The following STRN variants were observed in gnomAD, a reference collection of about 807,000 sequenced individuals.
The protein encoded by STRN is protein phosphatase 2 regulatory subunit B'''alpha.
In STRN, 53 loss-of-function variants were observed where a neutral mutation model predicts 96.3. The observed-to-expected ratio is 0.55, with a 90% CI of 0.44 to 0.69. STRN has a LOEUF of 0.69. Ranked by LOEUF, STRN falls within the 30% of genes least tolerant of loss-of-function variation. The probability of loss-of-function intolerance (pLI) is 0.00; values close to 1 mark genes in which losing one functional copy is unlikely to be tolerated. For missense variants in STRN, 987 were observed against 963.9 expected (o/e 1.02, Z -0.32); for synonymous variants, 428 against 355.9 (o/e 1.20, Z -2.28).
At chr2:36,873,941 CAAA>C (rs56195651) in intron 10 of STRN, among the ~76,000 whole-genome samples, 2 of 137,938 alleles carry the variant, frequency 1.4e-5, no homozygotes, top group Non-Finnish European at 1.6e-5. Context: ...GACTCCGCCT[CAAA>C]AAAAAAAAAA....
intron 1 of STRN, among the ~76,000 whole-genome samples, chr2:36,927,940 G>C (rs1458019684): frequency 6.6e-6 from 1 of 152,086 alleles, no homozygotes; most frequent in Admixed American, 6.5e-5. Context: ...ACACAGACAA[G>C]AATATGTATA....
chr2:36,855,361 G>C lies in STRN; in HGVS notation c.1838-9C>G. The C allele has an allele frequency of 6.2e-7, 1 of 1,611,098 alleles. No homozygotes were observed. ...GGCAGGGATTCCCAGTTCTGAAAGAGAACATATTGAAATAGAATGGCAATT... is the reference window on the plus strand; with the variant it reads ...GGCAGGGATTCCCAGTTCTGAAAGACAACATATTGAAATAGAATGGCAATT... On this transcript the variant is annotated splice_polypyrimidine_tract_variant and intron_variant, in intron 14 of 17. Transcript: ENST00000263918.
intron 2 of STRN, among the ~76,000 whole-genome samples, chr2:36,920,893 G>A (rs1377097123): frequency 6.6e-6 from 1 of 151,818 alleles, no homozygotes; most frequent in Admixed American, 6.6e-5. Context: ...TGGCCAAGAT[G>A]GTGACACCCC....
chr2:36,928,951 A>C (rs1264350476), intron 1 of STRN, among the ~76,000 whole-genome samples: 1 of 151,550 alleles, frequency 6.6e-6, no homozygotes, highest in Non-Finnish European at 1.5e-5. Context: ...CCGTCTCAAA[A>C]AAAAAAAAAA....
chr2:36,963,712 C>T (rs1193154455), intron 1 of STRN, among the ~76,000 whole-genome samples: 1 of 152,148 alleles, frequency 6.6e-6, no homozygotes, highest in Non-Finnish European at 1.5e-5. Flanking sequence ...AATACCAGCA[C>T]TTTGGGAGGC....
At chr2:36,926,920 G>T in intron 1 of STRN, among the ~76,000 whole-genome samples, 1 of 152,304 alleles carries the variant, frequency 6.6e-6, no homozygotes, top group Middle Eastern at 3.4e-3. Context: ...AAAAGGAAAT[G>T]ACAGCCCAAC....
chr2:36,920,071 T>A (rs185298671), intron 2 of STRN, among the ~76,000 whole-genome samples: 28 of 119,584 alleles, frequency 2.3e-4, no homozygotes, highest in Admixed American at 2.2e-3. Flanking sequence ...TACTTAGGCA[T>A]TTACAGCTGA....
At chr2:36,863,472 G>C (rs114835598) in intron 12 of STRN, among the ~76,000 whole-genome samples, 4,924 of 152,254 alleles carry the variant, frequency 0.032, 115 homozygotes, top group Non-Finnish European at 0.05. Context: ...TCGAAGATTA[G>C]ACGGTTATAA....
chr2:36,893,887 T>C lies in STRN; in HGVS notation c.931+11A>G. 2 of 1,594,340 alleles carry C rather than the reference T, an allele frequency of 1.3e-6. No homozygotes were observed. The highest frequency in any genetic ancestry group is 1.2e-5 in the South Asian group (1 of 86,338). ...TTAACATCTCTGGTTGGATCCAGTATGCTTCCTTACCCCAGTCTGTTCCAT... is the reference window on the plus strand; with the variant it reads ...TTAACATCTCTGGTTGGATCCAGTACGCTTCCTTACCCCAGTCTGTTCCAT... On this transcript the variant is annotated intron_variant, in intron 7 of 17. Coordinates refer to ENST00000263918, the MANE Select transcript of STRN (RefSeq NM_003162.4).
chr2:36,945,162 TA>T (rs1670947450), intron 1 of STRN, among the ~76,000 whole-genome samples: 1 of 151,950 alleles, frequency 6.6e-6, no homozygotes, highest in African/African-American at 2.4e-5. Context: ...TTTTTATAAA[TA>T]AAAAACGTGT....
At chr2:36,881,271 G>A (rs1669062099) in intron 9 of STRN, among the ~76,000 whole-genome samples, 1 of 151,862 alleles carries the variant, frequency 6.6e-6, no homozygotes, top group African/African-American at 2.4e-5. Context: ...GGGACTACAG[G>A]CACACGCCAC....
intron 2 of STRN, among the ~76,000 whole-genome samples, chr2:36,922,683 C>A (rs566975815): frequency 1.2e-4 from 18 of 152,258 alleles, no homozygotes; most frequent in Admixed American, 3.3e-4. Context: ...CTACTCTCCA[C>A]ACACAAAGAT....
At chr2:36,939,375 G>C (rs895139743) in intron 1 of STRN, among the ~76,000 whole-genome samples, 3 of 151,958 alleles carry the variant, frequency 2.0e-5, no homozygotes, top group Admixed American at 1.3e-4. Flanking sequence ...ACATTAATTA[G>C]ACGTGATGAT....
intron 1 of STRN, among the ~76,000 whole-genome samples, chr2:36,952,097 C>G (rs182615258): frequency 6.6e-6 from 1 of 152,130 alleles, no homozygotes; most frequent in Non-Finnish European, 1.5e-5. Flanking sequence ...AATGACAATA[C>G]AAAACTCGAA....
intron 14 of STRN, among the ~76,000 whole-genome samples, chr2:36,857,297 A>G (rs1300511215): frequency 1.3e-5 from 2 of 152,102 alleles, no homozygotes; most frequent in African/African-American, 4.8e-5. Flanking sequence ...TGTATCCTTA[A>G]TATCTGTTTT....
chr2:36,928,103 T>C (rs1167331616), intron 1 of STRN, among the ~76,000 whole-genome samples: 1 of 152,166 alleles, frequency 6.6e-6, no homozygotes, highest in African/African-American at 2.4e-5. Context: ...AACTTAGATA[T>C]TAGAAACAGT....
chr2:36,875,659 ATTTTT>A (rs70946955), intron 10 of STRN, among the ~76,000 whole-genome samples: 1 of 142,494 alleles, frequency 7.0e-6, no homozygotes, highest in Non-Finnish European at 1.5e-5. Flanking sequence ...AATAGAAATG[ATTTTT>A]TTTTTTTTTT....
At chr2:36,853,971 T>C (rs1668281145) in intron 15 of STRN, among the ~76,000 whole-genome samples, 1 of 152,196 alleles carries the variant, frequency 6.6e-6, no homozygotes, top group Admixed American at 6.5e-5. Flanking sequence ...TTTCTCAAAA[T>C]GTTTCCAGTG....
intron 2 of STRN, among the ~76,000 whole-genome samples, chr2:36,919,216 G>T (rs1207866876): frequency 6.6e-6 from 1 of 152,142 alleles, no homozygotes; most frequent in East Asian, 1.9e-4. Flanking sequence ...GGTAAGGGTG[G>T]AAGGTGAGGG....
Sources: allele counts gnomAD v4.1 joint callset (sites outside exome capture counted in the v4.1 genomes callset), GRCh38; gene constraint gnomAD v4.1.1; transcripts MANE v1.5; gene names NCBI Gene and HGNC (gene_info 2026-07-23, HGNC 2026-07-21).